Variants in DAB1 observed in about 807,000 individuals in gnomAD.
DAB1 encodes disabled homolog 1.
DAB1 carries 15 observed loss-of-function variants against 64.6 expected under a neutral mutation model. That is an observed-to-expected ratio of 0.23 (90% CI 0.16 to 0.36). The LOEUF is 0.36. Among genes scored for constraint, DAB1 ranks in the 10% least tolerant of loss-of-function variants. The pLI is 1.00. For synonymous variants in DAB1, 235 were observed against 251.9 expected, an observed-to-expected ratio of 0.93 and a Z score of 0.64; for missense variants, 596 against 706.7, an observed-to-expected ratio of 0.84 and a Z score of 1.78.
At chr1:58,371,601 T>C (rs1644264562) in intron 3 of DAB1, among the ~76,000 whole-genome samples, 2 of 152,082 alleles carry the variant, frequency 1.3e-5, no homozygotes, top group African/African-American at 4.8e-5. Context: ...ATGGGGAAAA[T>C]GTCTCCAGGG....
intron 4 of DAB1, among the ~76,000 whole-genome samples, chr1:58,339,837 A>C (rs988936590): frequency 4.6e-5 from 7 of 152,294 alleles, no homozygotes; most frequent in African/African-American, 1.4e-4. Flanking sequence ...GCTTATTAAT[A>C]CCTCATTTAA....
At chr1:58,170,809 C>T (rs1286532580) in intron 4 of DAB1, among the ~76,000 whole-genome samples, 1 of 152,128 alleles carries the variant, frequency 6.6e-6, no homozygotes, top group African/African-American at 2.4e-5. Context: ...CAGAAGCCCC[C>T]AACCAGATGA....
At chr1:57,169,707 C>G (rs1286571819) in intron 2 of DAB1, among the ~76,000 whole-genome samples, 1 of 152,170 alleles carries the variant, frequency 6.6e-6, no homozygotes, top group Non-Finnish European at 1.5e-5. Context: ...TATCCTCCAC[C>G]ATCCCCAGGT....
At chr1:57,894,815 C>A (rs1644369788) in intron 5 of DAB1, among the ~76,000 whole-genome samples, 1 of 152,086 alleles carries the variant, frequency 6.6e-6, no homozygotes, top group Non-Finnish European at 1.5e-5. Context: ...ACGAAACACC[C>A]AAGGGTTTGT....
At chr1:57,034,676 CTATGTA>C (rs1398336246) in intron 9 of DAB1, among the ~76,000 whole-genome samples, 1 of 152,110 alleles carries the variant, frequency 6.6e-6, no homozygotes, top group African/African-American at 2.4e-5. Context: ...ATGTTCTAGT[CTATGTA>C]TAAGCTAATT....
chr1:57,293,177 T>C (rs1672919633), intron 1 of DAB1, among the ~76,000 whole-genome samples: 1 of 152,126 alleles, frequency 6.6e-6, no homozygotes, highest in Non-Finnish European at 1.5e-5. Context: ...TCCCAGTTTT[T>C]CCTTGTGCTG....
At position 58,320,908 on chromosome 1, in the gene DAB1, A is replaced by T. The variant is rs564205094; in HGVS notation, n.309+22444T>A. On this transcript the variant is annotated intron_variant and non_coding_transcript_variant, in intron 4 of 20. Coordinates refer to the DAB1 transcript ENST00000485760. The stretch of plus-strand genomic sequence containing the variant: ...GGAGGAGGAGGAAAGAAAAAAAGCC[A>T]GCTCATTCTCCTCCTCCCTCTCTCC... 3.4e-4 allele frequency among the ~76,000 whole-genome samples: 52 copies of T among 152,320 alleles called. 1 individual carries two copies. The highest frequency in any genetic ancestry group is 3.4e-3 in the Admixed American group (52 of 15,296).
intron 6 of DAB1, among the ~76,000 whole-genome samples, chr1:57,784,536 T>A (rs1333219289): frequency 6.6e-6 from 1 of 152,176 alleles, no homozygotes; most frequent in Non-Finnish European, 1.5e-5. Flanking sequence ...AACAGCCTTA[T>A]TGCTGAGATG....
At chr1:57,500,631 G>A (rs1170592793) in intron 7 of DAB1, among the ~76,000 whole-genome samples, 1 of 152,128 alleles carries the variant, frequency 6.6e-6, no homozygotes, top group Admixed American at 6.5e-5. Flanking sequence ...TCTGAAATCT[G>A]GTCTGCCTCC....
intron 7 of DAB1, among the ~76,000 whole-genome samples, chr1:57,607,754 C>G (rs566397735): frequency 6.6e-6 from 1 of 152,188 alleles, no homozygotes; most frequent in South Asian, 2.1e-4. Flanking sequence ...AAAGAACTAA[C>G]AAAAAGACAG....
chr1:57,801,798 C>T (rs1651138650), intron 6 of DAB1, among the ~76,000 whole-genome samples: 1 of 152,156 alleles, frequency 6.6e-6, no homozygotes, highest in African/African-American at 2.4e-5. Context: ...GCTCGGACTA[C>T]AGGCACGTGC....
chr1:57,674,331 T>C (rs975418500), intron 6 of DAB1, among the ~76,000 whole-genome samples: 2 of 152,144 alleles, frequency 1.3e-5, no homozygotes, highest in Non-Finnish European at 2.9e-5. Flanking sequence ...GATGAGCAAA[T>C]TGACACTCAG....
intron 2 of DAB1, among the ~76,000 whole-genome samples, chr1:57,190,605 C>T (rs990914773): frequency 6.6e-6 from 1 of 152,140 alleles, no homozygotes; most frequent in Admixed American, 6.5e-5. Flanking sequence ...CAGGAAAATG[C>T]CTATTCCCAC....
chr1:57,708,082 A>C (rs1433495861), intron 6 of DAB1, among the ~76,000 whole-genome samples: 1 of 152,194 alleles, frequency 6.6e-6, no homozygotes, highest in African/African-American at 2.4e-5. Context: ...CTTACAGACC[A>C]GCATAGTACT....
intron 3 of DAB1, among the ~76,000 whole-genome samples, chr1:57,141,448 C>A (rs547925607): frequency 2.0e-5 from 3 of 152,102 alleles, no homozygotes; most frequent in Admixed American, 2.0e-4. Context: ...GGGAGACTTT[C>A]TTATCAATTC....
At chr1:58,431,652 G>C (rs898188239) in intron 3 of DAB1, among the ~76,000 whole-genome samples, 3 of 151,560 alleles carry the variant, frequency 2.0e-5, no homozygotes, top group Non-Finnish European at 2.9e-5. Flanking sequence ...CAAATATCTA[G>C]ATTTACGAAG....
chr1:57,258,765 C>T (rs1669957738), intron 2 of DAB1, among the ~76,000 whole-genome samples: 1 of 152,064 alleles, frequency 6.6e-6, no homozygotes, highest in Non-Finnish European at 1.5e-5. Flanking sequence ...CTGGATGTGA[C>T]ACATCGAGTC....
At chr1:57,200,258 G>T (rs1260594237) in intron 2 of DAB1, among the ~76,000 whole-genome samples, 1 of 152,146 alleles carries the variant, frequency 6.6e-6, no homozygotes, top group Admixed American at 6.5e-5. Context: ...TCCTTAAGCT[G>T]CCAGAAAGCA....
At chr1:57,411,712 C>T (rs1684129036) in intron 1 of DAB1, among the ~76,000 whole-genome samples, 1 of 152,196 alleles carries the variant, frequency 6.6e-6, no homozygotes, top group African/African-American at 2.4e-5. Flanking sequence ...CTCCGCATCC[C>T]CACTGGCCCA....
Sources: allele counts gnomAD v4.1 joint callset (sites outside exome capture counted in the v4.1 genomes callset), GRCh38; gene constraint gnomAD v4.1.1; transcripts MANE v1.5; gene names NCBI Gene and HGNC (gene_info 2026-07-23, HGNC 2026-07-21).